The following ZNF790 variants were observed in gnomAD, a reference collection of about 807,000 sequenced individuals.
ZNF790 encodes zinc finger protein 790.
ZNF790 carries 8 observed loss-of-function variants against 12.1 expected under a neutral mutation model. That is an observed-to-expected ratio of 0.66 (90% CI 0.39 to 1.19). The LOEUF is 1.19. Among genes scored for constraint, ZNF790 ranks in the 50% most tolerant of loss-of-function variants. The pLI is 0.01. For synonymous variants in ZNF790, 252 were observed against 244.3 expected (o/e 1.03, Z -0.29); for missense variants, 707 against 752.2 (o/e 0.94, Z 0.70).
At chr19:36,841,860 T>TG (rs1402623016), upstream of ZNF790, among the ~76,000 whole-genome samples, 11 of 65,844 alleles carry the variant, frequency 1.7e-4, no homozygotes, top group Non-Finnish European at 2.6e-4. Flanking sequence ...GGGTGGGGGG[T>TG]GGGGGGAGGG....
At chr19:36,838,674 T>G (rs890946222), upstream of ZNF790, among the ~76,000 whole-genome samples, 6 of 152,088 alleles carry the variant, frequency 3.9e-5, no homozygotes, top group Non-Finnish European at 7.4e-5. This position sits in a 1 kb window ranked among gnomAD's most constrained non-coding sequence, Gnocchi z 4.4. Flanking sequence ...AACAGGACAG[T>G]AAGCCCAGGC....
intron 1 of ZNF790, among the ~76,000 whole-genome samples, chr19:36,829,943 C>T (rs2071913834): frequency 6.6e-6 from 1 of 152,158 alleles, no homozygotes; most frequent in South Asian, 2.1e-4. Flanking sequence ...TTGTAGTTTT[C>T]AGAGTATAAG....
intron 1 of ZNF790, among the ~76,000 whole-genome samples, chr19:36,826,439 C>A (rs1194575101): frequency 6.6e-6 from 1 of 151,510 alleles, no homozygotes; most frequent in African/African-American, 2.4e-5. Flanking sequence ...AAAAATTAGC[C>A]AGGCATGGTG....
At chr19:36,834,862 CAAAA>C (rs2072012281) in intron 1 of ZNF790, among the ~76,000 whole-genome samples, 1 of 151,866 alleles carries the variant, frequency 6.6e-6, no homozygotes, top group Non-Finnish European at 1.5e-5. Flanking sequence ...CAAATACAAA[CAAAA>C]AAATAAGCAG....
intron 2 of ZNF790, among the ~76,000 whole-genome samples, chr19:36,825,098 T>C (rs922995771): frequency 3.9e-5 from 6 of 152,340 alleles, no homozygotes; most frequent in Admixed American, 6.5e-5. Context: ...TTGTTAATGA[T>C]ATTAACCTTT....
intron 1 of ZNF790, among the ~76,000 whole-genome samples, chr19:36,833,085 G>A (rs2071974228): frequency 6.6e-6 from 1 of 151,838 alleles, no homozygotes; most frequent in African/African-American, 2.4e-5. Context: ...CACTTAGCAG[G>A]AAAAATTCAA....
intron 1 of ZNF790, among the ~76,000 whole-genome samples, chr19:36,835,677 G>A (rs1049707471): frequency 2.6e-5 from 4 of 152,056 alleles, no homozygotes; most frequent in African/African-American, 9.7e-5. Context: ...GTCTTACTAG[G>A]CTAAAATCAA....
intron 1 of ZNF790, among the ~76,000 whole-genome samples, chr19:36,832,241 G>A (rs534610738): frequency 1.1e-4 from 17 of 152,264 alleles, no homozygotes; most frequent in African/African-American, 4.1e-4. Context: ...ATATTTAAAT[G>A]CAAATCTAAA....
chr19:36,818,705 A>T lies in ZNF790; in HGVS notation c.1639T>A (p.Ser547Thr). The change falls in exon 5 of 5, where the codon TCA becomes ACA. Residue 547 changes from serine (S) to threonine (T), a missense_variant. By Grantham distance (58) the Ser-to-Thr change is moderately conservative (BLOSUM62 1). Coordinates refer to ENST00000356725, the MANE Select transcript of ZNF790 (RefSeq NM_206894.4). ...ATTTTCTTATGTCGTGTAAGCTGTG[A>T]ACCCCAGATAAAAGATTTCCCACAT... ...KECGKSFIWGSQLTRHKKIHT... is the reference protein window; with the variant it reads ...KECGKSFIWGTQLTRHKKIHT... The T allele has an allele frequency of 6.2e-7, 1 of 1,613,580 alleles. No homozygotes were observed. The highest frequency in any genetic ancestry group is 8.5e-7 in the Non-Finnish European group (1 of 1,179,850).
intron 3 of ZNF790, 28 bp from the exon 4 acceptor site, chr19:36,823,408 A>T (rs2071720101): frequency 8.1e-6 from 13 of 1,602,304 alleles, no homozygotes; most frequent in Non-Finnish European, 1.1e-5. Context: ...AACAGCAAAG[A>T]ACCACATTGT....
At chr19:36,834,815 A>G (rs750599613) in intron 1 of ZNF790, among the ~76,000 whole-genome samples, 1 of 152,256 alleles carries the variant, frequency 6.6e-6, no homozygotes, top group East Asian at 1.9e-4. Context: ...ATAAACTTCA[A>G]TAAAAAGACT....
chr19:36,823,261 T>G lies in ZNF790; in HGVS notation c.229+24A>C, dbSNP rs112971675. 3.2e-3 allele frequency: 5,159 copies of G among 1,597,966 alleles called. 102 individuals carry two copies. The African/African-American group carries it at 0.05, about 16-fold the overall frequency. ...CTGTTATCCACAACAATGGCCTCCT[T>G]GTGCGTGTTCAGCCCTCACTCACCT... On this transcript the variant is annotated intron_variant, in intron 4 of 4. Coordinates refer to ENST00000356725, the MANE Select transcript of ZNF790 (RefSeq NM_206894.4).
At chr19:36,827,141 C>CACACACACACACACACACACACACAT (rs1313807327) in intron 1 of ZNF790, among the ~76,000 whole-genome samples, 4 of 84,442 alleles carry the variant, frequency 4.7e-5, no homozygotes, top group Non-Finnish European at 8.4e-5. Context: ...CACACACACA[C>CACACACACACACACACACACACACAT]ATATATATAT....
intron 4 of ZNF790, among the ~76,000 whole-genome samples, chr19:36,820,856 C>G (rs2071651421): frequency 1.3e-5 from 2 of 151,256 alleles, no homozygotes; most frequent in South Asian, 4.2e-4. Context: ...GATCACACTA[C>G]CACACTCCAG....
chr19:36,818,361 C>T lies in ZNF790; in HGVS notation c.*72G>A, dbSNP rs2071588156. ...TATTACTTACATTTGTGGTGTTCCT[C>T]AAGAGAAAAAAATAAATGACATCAA... On this transcript the variant is annotated 3_prime_UTR_variant, in exon 5 of 5. Transcript: ENST00000356725. 6 of 1,421,078 alleles carry T rather than the reference C, an allele frequency of 4.2e-6. No homozygotes were observed. Among genetic ancestry groups the T allele is most frequent in the Non-Finnish European group, 5.6e-6 (6 of 1,070,314 alleles). The allele number at this position is 1,421,078 out of a possible 1,614,324, so 88.0% of individuals were successfully genotyped here.
intron 1 of ZNF790, among the ~76,000 whole-genome samples, chr19:36,843,731 A>C (rs2072150361): frequency 6.6e-6 from 1 of 152,188 alleles, no homozygotes; most frequent in South Asian, 2.1e-4. Flanking sequence ...CAGGTCGGCC[A>C]GGCACAGTGG....
chr19:36,833,165 CAG>C (rs567886473), intron 1 of ZNF790, among the ~76,000 whole-genome samples: 58 of 152,238 alleles, frequency 3.8e-4, no homozygotes, highest in Non-Finnish European at 7.9e-4. Context: ...GTTTTTGAGA[CAG>C]AGTCTCGCTC....
intron 2 of ZNF790, 60 bp downstream of exon 2, chr19:36,825,551 A>T: frequency 1.3e-6 from 2 of 1,546,980 alleles, no homozygotes; most frequent in Non-Finnish European, 1.8e-6. Flanking sequence ...AGCAATAAAA[A>T]TATTCACATG....
At chr19:36,841,720 A>AAAAAATAC (rs1234593713), upstream of ZNF790, among the ~76,000 whole-genome samples, 1 of 151,232 alleles carries the variant, frequency 6.6e-6, no homozygotes, top group Non-Finnish European at 1.5e-5. Flanking sequence ...CATCTCTACT[A>AAAAAATAC]AAAAATACAA....
Sources: allele counts gnomAD v4.1 joint callset (sites outside exome capture counted in the v4.1 genomes callset), GRCh38; gene constraint gnomAD v4.1.1; non-coding constraint Gnocchi (gnomAD v3.1); transcripts MANE v1.5; gene names NCBI Gene and HGNC (gene_info 2026-07-23, HGNC 2026-07-21).